The following ZFHX3 variants were observed in gnomAD, a reference collection of about 807,000 sequenced individuals.
The protein encoded by ZFHX3 is zinc finger homeobox protein 3.
Under a neutral mutation model 279.1 loss-of-function variants are expected in ZFHX3, and 42 were observed. That is an observed-to-expected ratio of 0.15 (90% CI 0.12 to 0.19). The LOEUF (loss-of-function observed/expected upper bound fraction) is 0.19. ZFHX3 is among the 10% of genes least tolerant of loss of function. ZFHX3 has a pLI of 1.00. For synonymous variants in ZFHX3, 2,293 were observed against 1,957.8 expected (o/e 1.17, Z -4.52); for missense variants, 4,981 against 4,754.0 (o/e 1.05, Z -1.40).
chr16:73,868,757 G>C (rs191318872), intron 1 of ZFHX3, among the ~76,000 whole-genome samples: 1 of 151,840 alleles, frequency 6.6e-6, no homozygotes, highest in Non-Finnish European at 1.5e-5. Context: ...GTACACTGAA[G>C]GGTTTCTTTC....
chr16:73,467,205 CG>C (rs2018589079), intron 2 of ZFHX3, among the ~76,000 whole-genome samples: 1 of 152,134 alleles, frequency 6.6e-6, no homozygotes, highest in South Asian at 2.1e-4. Flanking sequence ...ATGGAGCTCA[CG>C]GAAACGTAGA....
At chr16:72,944,480 G>C (rs1202367205) in intron 3 of ZFHX3, among the ~76,000 whole-genome samples, 6 of 152,100 alleles carry the variant, frequency 3.9e-5, no homozygotes, top group Non-Finnish European at 8.8e-5. Flanking sequence ...GTAGACAAAA[G>C]ACATCCACTT....
chr16:73,541,443 A>G (rs949914525), intron 2 of ZFHX3, among the ~76,000 whole-genome samples: 3 of 152,126 alleles, frequency 2.0e-5, no homozygotes, highest in African/African-American at 7.2e-5. Context: ...CTGTGATCAC[A>G]GCACTACACT....
chr16:72,846,064 T>C (rs2037472070), intron 4 of ZFHX3, among the ~76,000 whole-genome samples: 1 of 152,134 alleles, frequency 6.6e-6, no homozygotes, highest in South Asian at 2.1e-4. Flanking sequence ...ACCCCAGGCA[T>C]TGACAACACG....
At chr16:73,798,098 C>T (rs1294647715) in intron 1 of ZFHX3, among the ~76,000 whole-genome samples, 2 of 152,002 alleles carry the variant, frequency 1.3e-5, no homozygotes, top group African/African-American at 2.4e-5. Context: ...CAGAAACCAC[C>T]GCACTCGGTC....
chr16:72,854,313 T>C (rs1042946685), intron 4 of ZFHX3, among the ~76,000 whole-genome samples: 1 of 152,234 alleles, frequency 6.6e-6, no homozygotes, highest in Non-Finnish European at 1.5e-5. Flanking sequence ...GGCACCACTT[T>C]ATGGAATCTG....
chr16:73,383,585 A>G (rs1213657495), intron 3 of ZFHX3, among the ~76,000 whole-genome samples: 20 of 151,612 alleles, frequency 1.3e-4, no homozygotes, highest in Admixed American at 1.3e-3. Context: ...GCATCCAGCA[A>G]CAGAGCTCTT....
intron 3 of ZFHX3, among the ~76,000 whole-genome samples, chr16:72,911,317 A>T (rs1474151019): frequency 6.6e-6 from 1 of 152,236 alleles, no homozygotes; most frequent in African/African-American, 2.4e-5. Context: ...CCCCCACTGT[A>T]ACACATGGAA....
intron 1 of ZFHX3, among the ~76,000 whole-genome samples, chr16:73,732,225 C>G (rs1037167302): frequency 1.3e-5 from 2 of 152,136 alleles, no homozygotes; most frequent in African/African-American, 2.4e-5. Flanking sequence ...CTCCGAATTT[C>G]AACACTTACT....
At chr16:73,116,030 G>T (rs1966428720) in intron 7 of ZFHX3, among the ~76,000 whole-genome samples, 1 of 151,832 alleles carries the variant, frequency 6.6e-6, no homozygotes, top group Non-Finnish European at 1.5e-5. Flanking sequence ...TGAGGCAGGG[G>T]AATCACTTGA....
chr16:73,561,805 C>T (rs1379637719), intron 2 of ZFHX3, among the ~76,000 whole-genome samples: 1 of 152,036 alleles, frequency 6.6e-6, no homozygotes, highest in Non-Finnish European at 1.5e-5. Context: ...ATCAAAAGTC[C>T]ATTTTAATTG....
chr16:73,538,437 A>G (rs2019946959), intron 2 of ZFHX3, among the ~76,000 whole-genome samples: 1 of 152,232 alleles, frequency 6.6e-6, no homozygotes, highest in Admixed American at 6.5e-5. Context: ...TGCGTGAAGT[A>G]CATCATTAAT....
chr16:73,597,513 T>C (rs564331157), intron 2 of ZFHX3, among the ~76,000 whole-genome samples: 68 of 152,136 alleles, frequency 4.5e-4, no homozygotes, highest in Non-Finnish European at 1.6e-4. Flanking sequence ...ACGTAATTAG[T>C]TAAGATGAGA....
chr16:73,229,346 A>G (rs74647007), intron 5 of ZFHX3, among the ~76,000 whole-genome samples: 8,482 of 152,274 alleles, frequency 0.056, 643 homozygotes, highest in East Asian at 0.4. Flanking sequence ...GTGTTGAATC[A>G]TAAGATTTGG....
intron 2 of ZFHX3, among the ~76,000 whole-genome samples, chr16:73,540,237 C>G (rs2092898255): frequency 6.6e-6 from 1 of 152,224 alleles, no homozygotes; most frequent in Admixed American, 6.5e-5. Flanking sequence ...ACTGCTTCCA[C>G]AACCATATGG....
chr16:73,699,110 C>T (rs2053224321), intron 1 of ZFHX3, among the ~76,000 whole-genome samples: 1 of 152,168 alleles, frequency 6.6e-6, no homozygotes, highest in African/African-American at 2.4e-5. Context: ...GTCTCAGTCT[C>T]CTGACTTCGT....
chr16:73,042,467 A>G (rs561794226), intron 1 of ZFHX3, among the ~76,000 whole-genome samples: 1 of 152,162 alleles, frequency 6.6e-6, no homozygotes, highest in Non-Finnish European at 1.5e-5. Flanking sequence ...AGAAACAAGC[A>G]AAACTGTTCT....
chr16:72,948,118 G>A (rs1036904111), intron 3 of ZFHX3, among the ~76,000 whole-genome samples: 9 of 152,178 alleles, frequency 5.9e-5, no homozygotes, highest in African/African-American at 2.2e-4. Flanking sequence ...AGGAGTGAGC[G>A]GGAGAGCTCC....
At position 73,205,534 on chromosome 16, in the gene ZFHX3, G is replaced by A. The variant is rs2011765239; in HGVS notation, c.-1104+51513C>T. On this transcript the variant is annotated intron_variant, in intron 5 of 17. Transcript: ENST00000641206. Reference sequence around the variant, plus strand: ...CACAGAAAAAAGAATCCTCAATAACGAGATCCAGAGATTAAATTAATTTAA... The same window carrying A: ...CACAGAAAAAAGAATCCTCAATAACAAGATCCAGAGATTAAATTAATTTAA... Among the ~76,000 whole-genome samples the A allele has an allele frequency of 2.6e-5, 4 of 152,274 alleles. 1 individual carries two copies. Among genetic ancestry groups the A allele is most frequent in the Admixed American group, 1.3e-4 (2 of 15,298 alleles).
Sources: allele counts gnomAD v4.1 joint callset (sites outside exome capture counted in the v4.1 genomes callset), GRCh38; gene constraint gnomAD v4.1.1; transcripts MANE v1.5; gene names NCBI Gene and HGNC (gene_info 2026-07-23, HGNC 2026-07-21).